TAOK1: variants seen among roughly 807,000 people sequenced by gnomAD.
The protein encoded by TAOK1 is TAO kinase 1.
A neutral mutation model predicts 138.3 loss-of-function variants in TAOK1; 21 were observed. That is an observed-to-expected ratio of 0.15 (90% CI 0.11 to 0.22). The LOEUF (loss-of-function observed/expected upper bound fraction) is 0.22, where lower values mean the gene tolerates loss of function less well. Ranked by LOEUF, TAOK1 falls within the 10% of genes least tolerant of loss-of-function variation. The pLI, the probability that TAOK1 is intolerant of heterozygous loss-of-function variation, is 1.00. For synonymous variants in TAOK1, 361 were observed against 398.4 expected, an observed-to-expected ratio of 0.91 and a Z score of 1.12; for missense variants, 651 against 1,227.7, an observed-to-expected ratio of 0.53 and a Z score of 7.02.
In TAOK1 at chr17:29,451,581, G is replaced by A; in HGVS notation, c.33G>A (p.Lys11=). 1.9e-6 allele frequency: 3 copies of A among 1,613,420 alleles called. No homozygotes were observed. Among genetic ancestry groups the A allele is most frequent in the Non-Finnish European group, 2.5e-6 (3 of 1,179,730 alleles). Residue 11 remains lysine (K), a synonymous_variant, in exon 2 of 20, where the codon AAG becomes AAA. Transcript: ENST00000261716. MPSTNRAGSL[K]DPEIAELFFK... Reference sequence around the variant, plus strand: ...CAACTAACAGAGCAGGCAGCCTGAAGGACCCTGAAATTGCAGAGCTCTTCT... The same window carrying A: ...CAACTAACAGAGCAGGCAGCCTGAAAGACCCTGAAATTGCAGAGCTCTTCT...
At chr17:29,481,143 C>T (rs115252000) in intron 7 of TAOK1, among the ~76,000 whole-genome samples, 1,999 of 151,536 alleles carry the variant, frequency 0.013, 44 homozygotes, top group African/African-American at 0.045. Flanking sequence ...AGGAAAACAA[C>T]GGACAATACT....
intron 1 of TAOK1, among the ~76,000 whole-genome samples, chr17:29,442,866 G>T (rs2029981900): frequency 6.6e-6 from 1 of 152,120 alleles, no homozygotes; most frequent in Non-Finnish European, 1.5e-5. Context: ...AGACCAGCCT[G>T]GCCAACATGG....
chr17:29,391,675 G>C lies in TAOK1; in HGVS notation c.-95+651G>C, dbSNP rs925727999. Among the ~76,000 whole-genome samples, 3 of 152,272 alleles carry C rather than the reference G, an allele frequency of 2.0e-5. No homozygotes were observed. In the South Asian group the frequency reaches 6.2e-4, roughly 32 times the overall value. The stretch of plus-strand genomic sequence containing the variant: ...TTGGTTTTAAATCGACGACAGTATC[G>C]TTTTAATACTCTTCCCCTGAGATCT... On this transcript the variant is annotated intron_variant, in intron 1 of 19. Coordinates refer to ENST00000261716, the MANE Select transcript of TAOK1 (RefSeq NM_020791.4).
At chr17:29,510,317 C>T (rs138775022) in intron 14 of TAOK1, among the ~76,000 whole-genome samples, 2 of 152,256 alleles carry the variant, frequency 1.3e-5, no homozygotes, top group African/African-American at 4.8e-5. Context: ...GCGGAGGTTG[C>T]AGTGAGCCGA....
chr17:29,398,607 G>T (rs1904736392), intron 1 of TAOK1, among the ~76,000 whole-genome samples: 1 of 151,744 alleles, frequency 6.6e-6, no homozygotes, highest in African/African-American at 2.4e-5. Context: ...TCGGCTAACT[G>T]CAACCTCAGC....
chr17:29,453,830 G>A (rs2030306928), intron 2 of TAOK1, among the ~76,000 whole-genome samples: 1 of 144,576 alleles, frequency 6.9e-6, no homozygotes, highest in Admixed American at 6.8e-5. Context: ...TTTTGAGACA[G>A]GGTCTCTCAC....
intron 11 of TAOK1, 91 bp downstream of exon 11, chr17:29,495,818 C>T: frequency 8.9e-7 from 1 of 1,128,974 alleles, no homozygotes; most frequent in South Asian, 2.9e-5. Context: ...ACCTTATATA[C>T]CAAGGGTTTC....
chr17:29,527,584 A>G (rs1598523306), intron 17 of TAOK1, among the ~76,000 whole-genome samples: 1 of 152,232 alleles, frequency 6.6e-6, no homozygotes, highest in East Asian at 1.9e-4. Flanking sequence ...TCAGATGGTG[A>G]AAAATACAGA....
In TAOK1 at chr17:29,542,502, T is replaced by C. The variant is rs543260953; in HGVS notation, c.2545-59T>C. On this transcript the variant is annotated intron_variant, in intron 19 of 19. Coordinates refer to ENST00000261716, the MANE Select transcript of TAOK1 (RefSeq NM_020791.4). ...TCAAAGCTGAATAATTATTGCTTCC[T>C]TTCTTTATAGACTTAAAAATAATAA... 1.9e-5 allele frequency: 27 copies of C among 1,448,246 alleles called. No homozygotes were observed. The East Asian group carries it at 5.7e-4, about 31-fold the overall frequency. The allele number at this position is 1,448,246 out of a possible 1,614,324, so 89.7% of individuals were successfully genotyped here.
chr17:29,501,540 T>C (rs1165379735), intron 12 of TAOK1, among the ~76,000 whole-genome samples: 3 of 152,184 alleles, frequency 2.0e-5, no homozygotes, highest in African/African-American at 7.2e-5. Flanking sequence ...TTTTTACAAC[T>C]GTTTTTGTTT....
chr17:29,512,349 C>T (rs1424121069), intron 15 of TAOK1: 1 of 150,036 alleles, frequency 6.7e-6, no homozygotes, highest in African/African-American at 2.5e-5. Context: ...AGTTAGCCAC[C>T]ACTCCCGGCT....
rs944167414 is a variant in TAOK1, at chr17:29,390,831, C to A, written c.-288C>A. On this transcript the variant is annotated 5_prime_UTR_variant, in exon 1 of 20. Transcript: ENST00000261716. Reference sequence around the variant, plus strand: ...ACCCCGGTCGTCCCCTCGCCCCCCCCCCCACCCCCCGCCGCCGCCGCCCCT... The same window carrying A: ...ACCCCGGTCGTCCCCTCGCCCCCCCACCCACCCCCCGCCGCCGCCGCCCCT... 1 of 151,118 alleles carries A rather than the reference C, an allele frequency of 6.6e-6. No individual in the cohort carries two copies. Among genetic ancestry groups the A allele is most frequent in the Admixed American group, 6.6e-5 (1 of 15,236 alleles). The allele number at this position is 151,118 out of a possible 1,614,324, so 9.4% of individuals were successfully genotyped here.
chr17:29,405,403 CAT>C (rs1302951026), intron 1 of TAOK1, among the ~76,000 whole-genome samples: 1 of 152,188 alleles, frequency 6.6e-6, no homozygotes, highest in Non-Finnish European at 1.5e-5. Flanking sequence ...GAGATATTCA[CAT>C]AGTTATAATT....
intron 1 of TAOK1, among the ~76,000 whole-genome samples, chr17:29,394,150 G>GGTTTTTTTTT (rs1904513941): frequency 8.3e-5 from 4 of 48,246 alleles, no homozygotes; most frequent in Admixed American, 3.9e-4. Flanking sequence ...TAATTTGCCA[G>GGTTTTTTTTT]TTTTTTTTTT....
chr17:29,464,982 G>A (rs917227615), intron 2 of TAOK1, among the ~76,000 whole-genome samples: 3 of 151,596 alleles, frequency 2.0e-5, no homozygotes, highest in Non-Finnish European at 4.4e-5. Context: ...CACTATGCCT[G>A]GCTAATTTTT....
chr17:29,445,688 A>G (rs1350118302), intron 1 of TAOK1, among the ~76,000 whole-genome samples: 1 of 151,932 alleles, frequency 6.6e-6, no homozygotes. Context: ...TGTCATTTTT[A>G]TATATTGCTG....
At chr17:29,457,573 T>C (rs1216752078) in intron 2 of TAOK1, among the ~76,000 whole-genome samples, 1 of 149,142 alleles carries the variant, frequency 6.7e-6, no homozygotes, top group Non-Finnish European at 1.5e-5. Context: ...GCCCGGCTAA[T>C]TTTTGTATTT....
At chr17:29,541,857 A>T (rs1182372965) in intron 19 of TAOK1, among the ~76,000 whole-genome samples, 4 of 151,864 alleles carry the variant, frequency 2.6e-5, no homozygotes, top group Non-Finnish European at 5.9e-5. Context: ...ATCTCTTTTT[A>T]TTTTTTTATT....
At position 29,541,733 on chromosome 17, in the gene TAOK1, G is replaced by A. The variant is rs116175397; in HGVS notation, c.2545-828G>A. On this transcript the variant is annotated intron_variant, in intron 19 of 19. Transcript: ENST00000261716. ...GGAGGTTGCAGTGAGCTGAGATAGTGACATTCCACTCCAGCCCAGGCGACA... is the reference window on the plus strand; with the variant it reads ...GGAGGTTGCAGTGAGCTGAGATAGTAACATTCCACTCCAGCCCAGGCGACA... Among the ~76,000 whole-genome samples the A allele has an allele frequency of 5.5e-3, 831 of 150,456 alleles. 10 individuals are homozygous for A. Among genetic ancestry groups the A allele is most frequent in the African/African-American group, 0.019 (769 of 41,026 alleles).
Sources: gnomAD v4.1 joint callset for allele counts (sites outside exome capture counted in the v4.1 genomes callset) on GRCh38, gnomAD v4.1.1 for gene constraint, MANE v1.5 for transcripts, NCBI Gene and HGNC (gene_info 2026-07-23, HGNC 2026-07-21) for gene names.